The following TLCD4 variants were observed in gnomAD, a reference collection of about 807,000 sequenced individuals.
TLCD4 encodes TLC domain containing 4.
Under a neutral mutation model 24.2 loss-of-function variants are expected in TLCD4, and 7 were observed. That is an observed-to-expected ratio of 0.29 (90% CI 0.16 to 0.54). TLCD4 has a LOEUF of 0.54. Ranked by LOEUF, TLCD4 falls within the 20% of genes least tolerant of loss-of-function variation. The pLI, the probability that TLCD4 is intolerant of heterozygous loss-of-function variation, is 0.95. For missense variants in TLCD4, 259 were observed against 313.9 expected, an observed-to-expected ratio of 0.82 and a Z score of 1.32; for synonymous variants, 103 against 106.4, an observed-to-expected ratio of 0.97 and a Z score of 0.20.
chr1:95,149,288 T>C (rs1467159421), intron 3 of TLCD4, among the ~76,000 whole-genome samples: 1 of 152,174 alleles, frequency 6.6e-6, no homozygotes, highest in Non-Finnish European at 1.5e-5. Context: ...TCAGTAGTAA[T>C]AGGATAACAT....
At chr1:95,165,523 T>TG (rs199801492) in intron 5 of TLCD4, among the ~76,000 whole-genome samples, 1,566 of 150,126 alleles carry the variant, frequency 0.01, 35 homozygotes, top group African/African-American at 0.037. Context: ...TGGAGTGCAA[T>TG]GGCGTGATCT....
At chr1:95,106,963 C>T in the TLCD4 span, among the ~76,000 whole-genome samples, 1 of 152,112 alleles carries the variant, frequency 6.6e-6, no homozygotes, top group Admixed American at 6.5e-5. Flanking sequence ...ATGTCTAAAA[C>T]AGGAACTTCG....
At chr1:95,173,988 T>TA in intron 6 of TLCD4, 99 bp downstream of exon 6, 2 of 1,506,874 alleles carry the variant, frequency 1.3e-6, no homozygotes, top group Admixed American at 3.7e-5. Context: ...ATATAAAAGA[T>TA]ACGGATCTGT....
At chr1:95,144,458 C>T (rs1049720573) in intron 2 of TLCD4, among the ~76,000 whole-genome samples, 4 of 152,152 alleles carry the variant, frequency 2.6e-5, no homozygotes, top group Non-Finnish European at 4.4e-5. Flanking sequence ...AGACCTGGGG[C>T]AGTTAGACTC....
In TLCD4 at chr1:95,192,121, C is replaced by T. The variant is rs1679046826; in HGVS notation, c.*253C>T. 5 of 601,232 alleles carry T rather than the reference C, an allele frequency of 8.3e-6. No individual in the cohort carries two copies. The highest frequency in any genetic ancestry group is 1.2e-5 in the Non-Finnish European group (5 of 417,564). The allele number at this position is 601,232 out of a possible 1,614,324, so 37.2% of individuals were successfully genotyped here. A position where few individuals can be genotyped will look rare whatever the true frequency, so the allele number is the denominator to read the frequency against. On this transcript the variant is annotated 3_prime_UTR_variant, in exon 7 of 7. Coordinates refer to ENST00000370203, the MANE Select transcript of TLCD4 (RefSeq NM_152487.3). ...GACTAGCTTGGCCAACATGGTGAAA[C>T]CTCATCTCTACTAAAAATACAAAAA...
At chr1:95,102,340 A>G in the TLCD4 span, among the ~76,000 whole-genome samples, 1 of 152,178 alleles carries the variant, frequency 6.6e-6, no homozygotes, top group African/African-American at 2.4e-5. Flanking sequence ...GAGTAAGGGT[A>G]GAGGAAGTAA....
At chr1:95,181,672 C>G (rs1406315698) in intron 6 of TLCD4, among the ~76,000 whole-genome samples, 1 of 152,046 alleles carries the variant, frequency 6.6e-6, no homozygotes, top group Non-Finnish European at 1.5e-5. Flanking sequence ...TCTTGGCTCA[C>G]TGCAACCTCC....
chr1:95,100,026 A>C, the TLCD4 span, among the ~76,000 whole-genome samples: 66 of 152,084 alleles, frequency 4.3e-4, 1 homozygote, highest in Middle Eastern at 6.8e-3. Context: ...CATGGTCCCC[A>C]CTACTTGGGA....
chr1:95,196,239 T>C lies in TLCD4; in HGVS notation c.*4371T>C, dbSNP rs1679202558. 6.6e-6 allele frequency: 1 copy of C among 152,242 alleles called. No homozygotes were observed. Among genetic ancestry groups the C allele is most frequent in the Admixed American group, 6.5e-5 (1 of 15,286 alleles). 9.4% of individuals were successfully genotyped at this position (152,242 alleles called of 1,614,324 possible). ...TTTCAGCTGAAGATTTATTATAGGC[T>C]TGTAAATTATCTAAATGTTCTTTTT... is the stretch of plus-strand genomic sequence containing the variant. On this transcript the variant is annotated 3_prime_UTR_variant, in exon 7 of 7. Coordinates refer to ENST00000370203, the MANE Select transcript of TLCD4 (RefSeq NM_152487.3).
chr1:95,120,518 G>A (rs769614169), intron 1 of TLCD4, among the ~76,000 whole-genome samples: 35 of 152,310 alleles, frequency 2.3e-4, no homozygotes, highest in Middle Eastern at 3.4e-3. Context: ...GTCTGTTCAC[G>A]GAGAAGGCAA....
chr1:95,149,191 GA>G (rs1255419811), intron 3 of TLCD4, among the ~76,000 whole-genome samples: 1 of 152,178 alleles, frequency 6.6e-6, no homozygotes, highest in Non-Finnish European at 1.5e-5. Context: ...TGATATCAAA[GA>G]GATGAAATGA....
At position 95,144,048 on chromosome 1, in the gene TLCD4, G is replaced by A; in HGVS notation, c.147G>A (p.Trp49Ter). ...NSLSFKKKIE[W>*]NSRVVSTCHS... is the part of the protein sequence containing the mutation. ...TCAGCTTCAAAAAGAAGATTGAATG[G>A]AACTCAAGGTAAAGCATATGAAAAT... Residue 49 changes from tryptophan to a stop codon, truncating the protein, a stop_gained, in exon 2 of 7, where the codon TGG becomes TGA. Coordinates refer to ENST00000370203, the MANE Select transcript of TLCD4 (RefSeq NM_152487.3). LOFTEE classifies it high-confidence loss of function. The A allele has an allele frequency of 6.6e-7, 1 of 1,523,132 alleles. No homozygotes were observed. Among genetic ancestry groups the A allele is most frequent in the Non-Finnish European group, 8.8e-7 (1 of 1,138,508 alleles). 94.4% of individuals were successfully genotyped at this position (1,523,132 alleles called of 1,614,324 possible). A position where few individuals can be genotyped will look rare whatever the true frequency, so the allele number is the denominator to read the frequency against.
intron 3 of TLCD4, among the ~76,000 whole-genome samples, chr1:95,149,186 T>A (rs947844902): frequency 2.0e-5 from 3 of 152,168 alleles, no homozygotes; most frequent in African/African-American, 7.2e-5. Flanking sequence ...TCATTTGATA[T>A]CAAAGAGATG....
At chr1:95,107,150 G>A in the TLCD4 span, among the ~76,000 whole-genome samples, 1 of 152,190 alleles carries the variant, frequency 6.6e-6, no homozygotes, top group Admixed American at 6.5e-5. Flanking sequence ...TAGGCCGGGC[G>A]CGGTGGCTCA....
the TLCD4 span, among the ~76,000 whole-genome samples, chr1:95,093,626 T>C: frequency 6.6e-5 from 10 of 152,248 alleles, no homozygotes; most frequent in Non-Finnish European, 1.3e-4. Flanking sequence ...TATCTCTTTG[T>C]TAGCCTTCAC....
rs762538972 is a variant in TLCD4 at position 95,172,291 on chromosome 1, T to A, written c.400-1525T>A. Among the ~76,000 whole-genome samples the A allele has an allele frequency of 2.6e-5, 4 of 152,326 alleles. 1 individual carries two copies. ...GTCTGGGATAAGACAGGCAAGCACATCTAAATTAATCTGCACTTCTTCCAT... is the reference window on the plus strand; with the variant it reads ...GTCTGGGATAAGACAGGCAAGCACAACTAAATTAATCTGCACTTCTTCCAT... On this transcript the variant is annotated intron_variant, in intron 5 of 6. Transcript: ENST00000370203.
chr1:95,160,761 A>G (rs965520757), intron 5 of TLCD4, among the ~76,000 whole-genome samples: 4 of 152,168 alleles, frequency 2.6e-5, no homozygotes, highest in African/African-American at 4.8e-5. Flanking sequence ...TGAGATAATC[A>G]TGTGGTTTTC....
rs535317231 is a variant in TLCD4 at position 95,189,161 on chromosome 1, T to G, written c.474-2389T>G. On this transcript the variant is annotated intron_variant, in intron 6 of 6. Transcript: ENST00000370203. ...TTTTCATCAAACAAATCCATTTATT[T>G]GTTCAGTCCTGATATACATGTATAA... Among the ~76,000 whole-genome samples, 3 of 152,286 alleles carry G rather than the reference T, an allele frequency of 2.0e-5. No homozygotes were observed. In the South Asian group the frequency reaches 6.2e-4, roughly 32 times the overall value.
intron 6 of TLCD4, among the ~76,000 whole-genome samples, chr1:95,175,916 T>C (rs1434672286): frequency 6.6e-6 from 1 of 151,666 alleles, no homozygotes; most frequent in African/African-American, 2.4e-5. Flanking sequence ...GCTGGGGCTA[T>C]AGGCATGTGC....
Sources: gnomAD v4.1 joint callset for allele counts (sites outside exome capture counted in the v4.1 genomes callset) on GRCh38, gnomAD v4.1.1 for gene constraint, MANE v1.5 for transcripts, NCBI Gene and HGNC (gene_info 2026-07-23, HGNC 2026-07-21) for gene names.